CCDC192: variants seen among roughly 807,000 people sequenced by gnomAD.
CCDC192 encodes coiled-coil domain-containing protein 192.
At chr5:127,753,742 C>T (rs1378584875) in intron 2 of CCDC192, among the ~76,000 whole-genome samples, 2 of 151,228 alleles carry the variant, frequency 1.3e-5, no homozygotes, top group African/African-American at 2.4e-5. Context: ...TACACATCTG[C>T]TAATTTAAGT....
intron 4 of CCDC192, among the ~76,000 whole-genome samples, chr5:127,797,731 GTATA>G (rs146458343): frequency 0.016 from 341 of 20,728 alleles, 1 homozygote; most frequent in Non-Finnish European, 0.02. Flanking sequence ...TCATGTGAAG[GTATA>G]TATATATATA....
intron 2 of CCDC192, among the ~76,000 whole-genome samples, chr5:127,714,728 T>G (rs773258928): frequency 3.3e-5 from 5 of 152,192 alleles, no homozygotes; most frequent in Non-Finnish European, 5.9e-5. Flanking sequence ...GTGGTTGTAC[T>G]AATTTACATT....
chr5:127,842,633 A>G (rs1750341375), intron 5 of CCDC192, among the ~76,000 whole-genome samples: 1 of 152,256 alleles, frequency 6.6e-6, no homozygotes, highest in South Asian at 2.1e-4. Context: ...GTAATTTTCT[A>G]CAAAATATTC....
rs570642268 is a variant in CCDC192, at chr5:127,797,449, A to G, written c.354+215A>G. Among the ~76,000 whole-genome samples the G allele has an allele frequency of 3.9e-5, 6 of 152,156 alleles. No homozygotes were observed. The South Asian group carries it at 1.0e-3, about 26-fold the overall frequency. Reference sequence around the variant, plus strand: ...TAGTAGTAGTTTTAAAGTTTGTTTGATATGTAACCCTTTGAATAACATTAG... The same window carrying G: ...TAGTAGTAGTTTTAAAGTTTGTTTGGTATGTAACCCTTTGAATAACATTAG... On this transcript the variant is annotated intron_variant, in intron 4 of 6. Coordinates refer to ENST00000514853, the MANE Select transcript of CCDC192 (RefSeq NM_001317938.2).
chr5:127,710,233 A>G (rs1165660394), intron 2 of CCDC192, among the ~76,000 whole-genome samples: 3 of 152,232 alleles, frequency 2.0e-5, no homozygotes, highest in Non-Finnish European at 4.4e-5. Flanking sequence ...GCCTTCTTCC[A>G]CAACGCAGTC....
chr5:127,720,022 C>T (rs995926353), intron 2 of CCDC192, among the ~76,000 whole-genome samples: 1 of 151,918 alleles, frequency 6.6e-6, no homozygotes, highest in Non-Finnish European at 1.5e-5. Flanking sequence ...ATCATTTCAC[C>T]CTCACCCTCC....
At chr5:127,889,967 A>T (rs1394140707) in intron 6 of CCDC192, among the ~76,000 whole-genome samples, 2 of 150,966 alleles carry the variant, frequency 1.3e-5, no homozygotes, top group Non-Finnish European at 2.9e-5. Context: ...CCCCTGATGG[A>T]TGTTTGCTTC....
rs138822573 is a variant in CCDC192, at chr5:127,853,810, A to G, written c.412-21728A>G. On this transcript the variant is annotated intron_variant, in intron 5 of 6. Transcript: ENST00000514853. ...AACAAACAAACAAAAAACAAACAAA[A>G]AAAACATCTGGAGTGAGAATTCTCC... Among the ~76,000 whole-genome samples, 618 of 152,202 alleles carry G rather than the reference A, an allele frequency of 4.1e-3. 2 individuals carry two copies. Among genetic ancestry groups the G allele is most frequent in the Non-Finnish European group, 7.0e-3 (474 of 67,994 alleles).
chr5:127,720,690 G>A (rs1751969394), intron 2 of CCDC192, among the ~76,000 whole-genome samples: 1 of 152,228 alleles, frequency 6.6e-6, no homozygotes, highest in African/African-American at 2.4e-5. Context: ...ACTTCTGCCT[G>A]GACATCCAGG....
chr5:127,844,967 C>T (rs1223094386), intron 5 of CCDC192, among the ~76,000 whole-genome samples: 2 of 152,158 alleles, frequency 1.3e-5, no homozygotes, highest in Non-Finnish European at 2.9e-5. Context: ...AAGGGCGCCA[C>T]CCTTCTCTTT....
At chr5:127,786,008 C>T (rs1580655810) in intron 3 of CCDC192, 3 of 586,168 alleles carry the variant, frequency 5.1e-6, no homozygotes, top group Non-Finnish European at 9.5e-6. Context: ...GCTAAAAGAC[C>T]CTGATTATGA....
intron 6 of CCDC192, among the ~76,000 whole-genome samples, chr5:127,888,783 G>A (rs245171): frequency 0.66 from 100,004 of 152,014 alleles, 32,865 homozygotes; most frequent in Non-Finnish European, 0.68. Flanking sequence ...TATTAACTGT[G>A]GCAGAAGAAG....
intron 3 of CCDC192, among the ~76,000 whole-genome samples, chr5:127,755,744 TA>T (rs2126877323): frequency 6.7e-6 from 1 of 150,216 alleles, no homozygotes; most frequent in East Asian, 1.9e-4. Flanking sequence ...AATGGATAAC[TA>T]AAAAAGGGCA....
chr5:127,710,231 C>G (rs1476893822), intron 2 of CCDC192, among the ~76,000 whole-genome samples: 1 of 152,176 alleles, frequency 6.6e-6, no homozygotes, highest in Non-Finnish European at 1.5e-5. Context: ...CTGCCTTCTT[C>G]CACAACGCAG....
At chr5:127,873,910 C>T (rs923021001) in intron 5 of CCDC192, among the ~76,000 whole-genome samples, 1 of 152,206 alleles carries the variant, frequency 6.6e-6, no homozygotes, top group Non-Finnish European at 1.5e-5. Context: ...AGCTGTCCAG[C>T]TGTCAAATAC....
chr5:127,802,209 C>T (rs1299806971), intron 5 of CCDC192, among the ~76,000 whole-genome samples: 1 of 152,170 alleles, frequency 6.6e-6, no homozygotes, highest in Non-Finnish European at 1.5e-5. Flanking sequence ...AAGAATGTGT[C>T]TCTGAATGCA....
chr5:127,829,154 GA>G (rs1276842981), intron 5 of CCDC192, among the ~76,000 whole-genome samples: 1 of 152,202 alleles, frequency 6.6e-6, no homozygotes, highest in Non-Finnish European at 1.5e-5. Context: ...CAGTCATGGA[GA>G]GGGGGGAGTC....
chr5:127,714,615 C>T (rs896079921), intron 2 of CCDC192, among the ~76,000 whole-genome samples: 21 of 152,190 alleles, frequency 1.4e-4, no homozygotes, highest in Non-Finnish European at 2.2e-4. Flanking sequence ...AGTGATCCAT[C>T]TGCCTTGGCT....
At chr5:127,810,543 C>T (rs1003365278) in intron 5 of CCDC192, among the ~76,000 whole-genome samples, 1 of 152,116 alleles carries the variant, frequency 6.6e-6, no homozygotes, top group Non-Finnish European at 1.5e-5. Flanking sequence ...ACATAAAATA[C>T]TCACTTGTTA....
Sources: allele counts gnomAD v4.1 joint callset (sites outside exome capture counted in the v4.1 genomes callset), GRCh38; gene constraint gnomAD v4.1.1; transcripts MANE v1.5; gene names NCBI Gene and HGNC (gene_info 2026-07-23, HGNC 2026-07-21).